The following PXK variants were observed in gnomAD, a reference collection of about 807,000 sequenced individuals.
The protein encoded by PXK is PX domain-containing protein kinase-like protein.
Under a neutral mutation model 84.7 loss-of-function variants are expected in PXK, and 35 were observed. That is an observed-to-expected ratio of 0.41 (90% CI 0.32 to 0.55). The LOEUF is 0.55. PXK is among the 20% of genes least tolerant of loss of function. The probability of loss-of-function intolerance (pLI) is 0.21; values close to 1 mark genes in which losing one functional copy is unlikely to be tolerated. For missense variants in PXK, 634 were observed against 699.7 expected (o/e 0.91, Z 1.06); for synonymous variants, 253 against 260.8 (o/e 0.97, Z 0.29).
At chr3:58,381,034 G>T (rs2098495287) in intron 3 of PXK, among the ~76,000 whole-genome samples, 1 of 152,068 alleles carries the variant, frequency 6.6e-6, no homozygotes, top group African/African-American at 2.4e-5. Context: ...GGATCACGAG[G>T]TCAGGAGATC....
chr3:58,357,278 C>CA lies in PXK; in HGVS notation c.103-8584dup, dbSNP rs1290785479. Among the ~76,000 whole-genome samples the CA allele has an allele frequency of 5.1e-3, 676 of 131,446 alleles. 3 individuals carry two copies. Among genetic ancestry groups the CA allele is most frequent in the African/African-American group, 0.013 (456 of 36,014 alleles). 86.2% of individuals were successfully genotyped at this position (131,446 alleles called of 152,430 possible). ...TGGGCAACAGAGCGAGACTCTGTCT[C>CA]AAAAAAAAAAAACAAAAACTAAGAC... On this transcript the variant is annotated intron_variant, in intron 1 of 17. Coordinates refer to ENST00000356151, the MANE Select transcript of PXK (RefSeq NM_017771.5).
chr3:58,361,020 G>T (rs1233714762), intron 1 of PXK, among the ~76,000 whole-genome samples: 1 of 151,802 alleles, frequency 6.6e-6, no homozygotes, highest in Non-Finnish European at 1.5e-5. Flanking sequence ...ATTTTGGCCG[G>T]GCGCGGTGGT....
At chr3:58,387,030 C>T (rs1442339887) in intron 4 of PXK, among the ~76,000 whole-genome samples, 1 of 152,204 alleles carries the variant, frequency 6.6e-6, no homozygotes, top group Non-Finnish European at 1.5e-5. Flanking sequence ...GACTAGGAGT[C>T]TGGACCCTAG....
At chr3:58,372,013 C>T (rs1196166347) in intron 3 of PXK, among the ~76,000 whole-genome samples, 2 of 151,986 alleles carry the variant, frequency 1.3e-5, no homozygotes, top group African/African-American at 4.8e-5. Flanking sequence ...TGAGTTCCTG[C>T]TGAAGAAAGA....
At chr3:58,353,577 A>G (rs1198448886) in intron 1 of PXK, among the ~76,000 whole-genome samples, 1 of 152,204 alleles carries the variant, frequency 6.6e-6, no homozygotes, top group African/African-American at 2.4e-5. Context: ...CACTAATTCT[A>G]AGTGAAATAT....
intron 1 of PXK, among the ~76,000 whole-genome samples, chr3:58,356,354 T>C (rs2098080350): frequency 6.6e-6 from 1 of 152,158 alleles, no homozygotes; most frequent in South Asian, 2.1e-4. Flanking sequence ...GCAGGGCTGT[T>C]AGCTCTCCTT....
Position 58,412,071 on chromosome 3 carries a change from G to A in PXK, c.1466-830G>A, listed in dbSNP as rs946011075. ...GGCGTGTGATGGCAGCCCTCTGGGTGTGTGTGCCCATCAGCCCAGAAAGCA... is the reference window on the plus strand; with the variant it reads ...GGCGTGTGATGGCAGCCCTCTGGGTATGTGTGCCCATCAGCCCAGAAAGCA... On this transcript the variant is annotated intron_variant, in intron 16 of 17. Transcript: ENST00000356151. This position sits in a 1 kb window ranked among gnomAD's most constrained non-coding sequence, Gnocchi z 6.2. Among the ~76,000 whole-genome samples the A allele has an allele frequency of 1.3e-5, 2 of 152,080 alleles. No individual in the cohort carries two copies. The highest frequency in any genetic ancestry group is 4.8e-5 in the African/African-American group (2 of 41,394).
chr3:58,339,358 T>C (rs1301374621), intron 1 of PXK, among the ~76,000 whole-genome samples: 1 of 151,524 alleles, frequency 6.6e-6, no homozygotes, highest in East Asian at 1.9e-4. Context: ...GCCTCTCGAG[T>C]AGCTGGTATT....
intron 1 of PXK, among the ~76,000 whole-genome samples, chr3:58,338,215 G>C (rs28668389): frequency 0.13 from 19,101 of 151,488 alleles, 1,658 homozygotes; most frequent in African/African-American, 0.23. Flanking sequence ...GTGGCACATG[G>C]CTGTCGTCCA....
At chr3:58,377,877 A>T (rs1444105196) in intron 3 of PXK, among the ~76,000 whole-genome samples, 1 of 152,226 alleles carries the variant, frequency 6.6e-6, no homozygotes, top group African/African-American at 2.4e-5. Flanking sequence ...TGGGAAGCAG[A>T]TAATCTCATT....
rs1345830449 is a variant in PXK, at chr3:58,336,064, TATATATA to T, written c.102+2975_102+2981del. On this transcript the variant is annotated intron_variant, in intron 1 of 17. Transcript: ENST00000356151. ...ATATATATATATATATATATATATA[TATATATA>T]TTTTTTTTTTTTTTTTTTAATACCA... Among the ~76,000 whole-genome samples the T allele has an allele frequency of 1.3e-3, 76 of 58,246 alleles. 1 individual carries two copies. The highest frequency in any genetic ancestry group is 1.8e-3 in the Non-Finnish European group (61 of 34,058). 38.2% of individuals were successfully genotyped at this position (58,246 alleles called of 152,430 possible). A position where few individuals can be genotyped will look rare whatever the true frequency, so the allele number is the denominator to read the frequency against.
At chr3:58,424,624 A>T in intron 17 of PXK, 128 bp from the exon 18 acceptor site, 1 of 1,268,966 alleles carries the variant, frequency 7.9e-7, no homozygotes, top group Non-Finnish European at 1.1e-6. Context: ...ATACAGTACT[A>T]GGTATGTTGG....
At chr3:58,388,866 C>A (rs1295135808) in intron 4 of PXK, among the ~76,000 whole-genome samples, 1 of 152,060 alleles carries the variant, frequency 6.6e-6, no homozygotes, top group Non-Finnish European at 1.5e-5. Context: ...ATATGGAGAG[C>A]ATTTCTACTG....
At chr3:58,368,579 C>T (rs550270535) in intron 2 of PXK, among the ~76,000 whole-genome samples, 113 of 152,308 alleles carry the variant, frequency 7.4e-4, no homozygotes, top group African/African-American at 2.5e-3. Flanking sequence ...GCCTTAGCCT[C>T]CCAAAGTGCT....
At chr3:58,362,028 A>T (rs2098196170) in intron 1 of PXK, among the ~76,000 whole-genome samples, 1 of 152,144 alleles carries the variant, frequency 6.6e-6, no homozygotes, top group Non-Finnish European at 1.5e-5. Context: ...TTTTTTATTT[A>T]AGCCATTCTG....
chr3:58,365,751 C>A, intron 1 of PXK, 123 bp from the exon 2 acceptor site: 1 of 703,434 alleles, frequency 1.4e-6, no homozygotes, highest in Non-Finnish European at 2.2e-6. Flanking sequence ...CTCTCTGTCT[C>A]TGGTAAATTT....
At chr3:58,389,816 A>G (rs2098605243) in intron 4 of PXK, among the ~76,000 whole-genome samples, 1 of 151,900 alleles carries the variant, frequency 6.6e-6, no homozygotes, top group South Asian at 2.1e-4. Flanking sequence ...CCTGAACAAC[A>G]TGGAGAAACC....
chr3:58,355,649 A>G (rs115622661), intron 1 of PXK, among the ~76,000 whole-genome samples: 2,150 of 152,294 alleles, frequency 0.014, 63 homozygotes, highest in African/African-American at 0.049. Flanking sequence ...CAAATTGCAA[A>G]TGGGGATGCT....
Position 58,421,863 on chromosome 3 carries a change from T to C in PXK, c.1529-2889T>C, listed in dbSNP as rs2061925289. ...TGGTCGTAACTGAAGGTAAGCTGTT[T>C]GCAGCATCCCCCTTCCTGGGTGCAA... On this transcript the variant is annotated intron_variant, in intron 17 of 17. Transcript: ENST00000356151. The surrounding 1 kb of genome is among the most constrained non-coding windows in gnomAD (Gnocchi z 5.5). 22 of 985,418 alleles carry C rather than the reference T, an allele frequency of 2.2e-5. No homozygotes were observed. Among genetic ancestry groups the C allele is most frequent in the Non-Finnish European group, 2.7e-5 (22 of 829,900 alleles). 61.0% of individuals were successfully genotyped at this position (985,418 alleles called of 1,614,324 possible). A position where few individuals can be genotyped will look rare whatever the true frequency, so the allele number is the denominator to read the frequency against.
Sources: gnomAD v4.1 joint callset for allele counts (sites outside exome capture counted in the v4.1 genomes callset) on GRCh38, gnomAD v4.1.1 for gene constraint, Gnocchi (gnomAD v3.1) non-coding constraint, MANE v1.5 for transcripts, NCBI Gene and HGNC (gene_info 2026-07-23, HGNC 2026-07-21) for gene names.